Variants in SPAG9 observed in about 807,000 individuals in gnomAD.
SPAG9 encodes sperm associated antigen 9.
SPAG9 carries 35 observed loss-of-function variants against 166.5 expected under a neutral mutation model. The observed-to-expected ratio is 0.21, with a 90% CI of 0.16 to 0.28. The LOEUF is 0.28. Ranked by LOEUF, SPAG9 falls within the 10% of genes least tolerant of loss-of-function variation. The probability of loss-of-function intolerance (pLI) is 1.00; values close to 1 mark genes in which losing one functional copy is unlikely to be tolerated. For synonymous variants in SPAG9, 534 were observed against 565.5 expected (o/e 0.94, Z 0.79); for missense variants, 1,235 against 1,603.3 (o/e 0.77, Z 3.92).
rs2044621850 is a variant in SPAG9 at position 50,995,145 on chromosome 17, T to C, written c.2138A>G (p.Tyr713Cys). ...GGSVVGASVF[Y>C]KDVAGLDTEG... ...TGTATCCAAACCAGCAACATCCTTG[T>C]AAAATACACTTGCTCCAACAACAGA... Residue 713 changes from tyrosine to cysteine, a missense_variant, in exon 18 of 30, where the codon TAC (tyrosine) becomes TGC (cysteine). Physicochemically the swap from Tyr to Cys is radical, Grantham distance 194. Around this residue, in one of 6 missense-constraint regions of SPAG9, gnomAD observed 493 missense variants for 559.4 expected, o/e 0.88. Coordinates refer to ENST00000262013, the MANE Select transcript of SPAG9 (RefSeq NM_001130528.3). 6.2e-7 allele frequency: 1 copy of C among 1,613,996 alleles called. No individual in the cohort carries two copies. Among genetic ancestry groups the C allele is most frequent in the African/African-American group, 1.3e-5 (1 of 74,924 alleles).
chr17:50,983,270 T>A (rs1974789314), intron 24 of SPAG9, among the ~76,000 whole-genome samples: 1 of 152,238 alleles, frequency 6.6e-6, no homozygotes, highest in African/African-American at 2.4e-5. Context: ...TTTTTGTATG[T>A]AATCACCCAC....
At chr17:51,078,776 C>T (rs1252278359) in intron 2 of SPAG9, among the ~76,000 whole-genome samples, 1 of 151,770 alleles carries the variant, frequency 6.6e-6, no homozygotes, top group Admixed American at 6.6e-5. Flanking sequence ...CCCCAAATGG[C>T]CCCATTTTTC....
chr17:50,974,034 G>T (rs1360709586), intron 28 of SPAG9, among the ~76,000 whole-genome samples: 1 of 152,152 alleles, frequency 6.6e-6, no homozygotes, highest in Non-Finnish European at 1.5e-5. Flanking sequence ...GGGAAAGTCA[G>T]ATCTGAACTT....
intron 2 of SPAG9, among the ~76,000 whole-genome samples, chr17:51,060,952 T>G (rs2144544259): frequency 6.6e-6 from 1 of 151,620 alleles, no homozygotes; most frequent in Middle Eastern, 3.4e-3. Flanking sequence ...GTTGAAGCGA[T>G]TCTCCTGCCT....
At chr17:51,031,784 C>T in intron 5 of SPAG9, 62 bp from the exon 6 acceptor site, 2 of 1,238,138 alleles carry the variant, frequency 1.6e-6, no homozygotes, top group Non-Finnish European at 2.3e-6. Context: ...TTTAACACAG[C>T]TGTAACTTTG....
rs560878079 is a variant in SPAG9 at position 51,063,565 on chromosome 17, A to G, written c.425-7083T>C. Among the ~76,000 whole-genome samples the G allele has an allele frequency of 1.2e-4, 19 of 152,344 alleles. No individual in the cohort carries two copies. The East Asian group carries it at 2.9e-3, about 23-fold the overall frequency. On this transcript the variant is annotated intron_variant, in intron 2 of 29. Transcript: ENST00000262013. ...TAACCTGTTAAATAACAGGAAAAAT[A>G]CTGAATTTTGCAACATCTAAAATAA...
intron 9 of SPAG9, among the ~76,000 whole-genome samples, chr17:51,013,910 AC>A (rs2045592271): frequency 2.1e-5 from 3 of 143,944 alleles, no homozygotes; most frequent in Admixed American, 1.3e-4. Flanking sequence ...ATACACACAC[AC>A]ACACACATAC....
rs747068943 is a variant in SPAG9 at position 50,982,628 on chromosome 17, G to A, written c.3133C>T (p.Arg1045Trp). Residue 1045 changes from arginine (R) to tryptophan (W), a missense_variant, in exon 25 of 30, where the codon CGG becomes TGG. Transcript: ENST00000262013. ...LSNYHLLDLGRPHHSIRCMTV... is the reference protein window; with the variant it reads ...LSNYHLLDLGWPHHSIRCMTV... ...ATGCAACGGATGGAATGATGAGGCC[G>A]TCCAAGGTCTAAGAGGTGATAGTTT... The A allele has an allele frequency of 9.3e-6, 15 of 1,613,662 alleles. No individual in the cohort carries two copies. The highest frequency in any genetic ancestry group is 3.3e-5 in the South Asian group (3 of 91,016).
chr17:51,061,612 CAAAAAAAAAA>C (rs34010166), intron 2 of SPAG9, among the ~76,000 whole-genome samples: 7 of 31,728 alleles, frequency 2.2e-4, no homozygotes, highest in African/African-American at 7.3e-4. Flanking sequence ...GCTCTGTCTC[CAAAAAAAAAA>C]AAAAAAAAAA....
intron 1 of SPAG9, among the ~76,000 whole-genome samples, chr17:51,113,353 C>CGAA (rs1568100438): frequency 1.0e-5 from 1 of 95,916 alleles, no homozygotes; most frequent in African/African-American, 3.9e-5. Context: ...AATGCCATAT[C>CGAA]AAAAAAAAAA....
At chr17:51,053,846 A>ATAT (rs2047252081) in intron 3 of SPAG9, among the ~76,000 whole-genome samples, 2 of 72,110 alleles carry the variant, frequency 2.8e-5, no homozygotes, top group African/African-American at 1.3e-4. Flanking sequence ...TAAAAAAAAA[A>ATAT]AAAAAAAAGT....
chr17:51,040,204 ACCACTGCACT>A (rs962842465), intron 5 of SPAG9, among the ~76,000 whole-genome samples: 14 of 149,384 alleles, frequency 9.4e-5, no homozygotes, highest in Admixed American at 8.8e-4. Flanking sequence ...CTGAGATCTC[ACCACTGCACT>A]CCAGCCTGAG....
intron 1 of SPAG9, among the ~76,000 whole-genome samples, chr17:51,085,958 C>CTT (rs1568073666): frequency 7.5e-5 from 9 of 120,438 alleles, no homozygotes; most frequent in African/African-American, 1.3e-4. Context: ...TCTTGGAAAT[C>CTT]ATTTTTTTTT....
intron 10 of SPAG9, 92 bp downstream of exon 10, chr17:51,007,176 AT>A: frequency 1.5e-6 from 1 of 662,286 alleles, no homozygotes; most frequent in African/African-American, 1.9e-5. Flanking sequence ...GGACAGGGAG[AT>A]TCCATTAGTA....
intron 1 of SPAG9, among the ~76,000 whole-genome samples, chr17:51,090,289 G>A (rs982545577): frequency 3.3e-5 from 5 of 152,030 alleles, no homozygotes; most frequent in Admixed American, 1.3e-4. Flanking sequence ...TTGGGAGGCC[G>A]AGGCAAGCAG....
chr17:50,984,805 T>C (rs185864697), intron 24 of SPAG9, 118 bp downstream of exon 24: 317 of 791,020 alleles, frequency 4.0e-4, no homozygotes, highest in Non-Finnish European at 5.5e-4. Context: ...ATGTTGTGTA[T>C]TGTTAGTATT....
At chr17:51,032,045 T>C (rs1039710130) in intron 5 of SPAG9, 1 of 457,316 alleles carries the variant, frequency 2.2e-6, no homozygotes, top group Non-Finnish European at 4.2e-6. Flanking sequence ...CCTTTGACTA[T>C]TTAACATGCT....
At chr17:51,008,154 G>A (rs529973992) in intron 9 of SPAG9, among the ~76,000 whole-genome samples, 16 of 152,166 alleles carry the variant, frequency 1.1e-4, no homozygotes, top group African/African-American at 3.6e-4. Flanking sequence ...CCTTCAAAGT[G>A]CCACCTATAA....
intron 19 of SPAG9, among the ~76,000 whole-genome samples, 185 bp downstream of exon 19, chr17:50,993,579 G>A (rs117575105): frequency 6.6e-6 from 1 of 152,168 alleles, no homozygotes; most frequent in Non-Finnish European, 1.5e-5. Context: ...TTTCTTCACA[G>A]TATTTTTCAC....
Sources: allele counts gnomAD v4.1 joint callset (sites outside exome capture counted in the v4.1 genomes callset), GRCh38; gene constraint gnomAD v4.1.1; regional missense constraint gnomAD v4.1.1; transcripts MANE v1.5; gene names NCBI Gene and HGNC (gene_info 2026-07-23, HGNC 2026-07-21).